RANBP17: variants seen among roughly 807,000 people sequenced by gnomAD.
RANBP17 encodes the protein ran-binding protein 17.
A neutral mutation model predicts 141.2 loss-of-function variants in RANBP17; 158 were observed. The observed-to-expected ratio is 1.12, with a 90% CI of 0.98 to 1.28. The LOEUF (loss-of-function observed/expected upper bound fraction) is 1.28. Among genes scored for constraint, RANBP17 ranks in the 50% most tolerant of loss-of-function variants. The pLI is 0.00. For synonymous variants in RANBP17, 430 were observed against 450.0 expected (o/e 0.96, Z 0.56); for missense variants, 1,438 against 1,290.7 (o/e 1.11, Z -1.75).
chr5:171,059,118 G>T (rs1220495360), intron 14 of RANBP17, among the ~76,000 whole-genome samples: 1 of 151,740 alleles, frequency 6.6e-6, no homozygotes, highest in Non-Finnish European at 1.5e-5. Flanking sequence ...TAGGTTGCCT[G>T]TTCACTCTGA....
chr5:170,945,848 A>G (rs1201212309), intron 12 of RANBP17, among the ~76,000 whole-genome samples: 2 of 152,142 alleles, frequency 1.3e-5, no homozygotes, highest in African/African-American at 4.8e-5. Flanking sequence ...CTCCTTGGTA[A>G]TGATCCCCAA....
chr5:171,003,902 T>C (rs1026145758), intron 14 of RANBP17, among the ~76,000 whole-genome samples: 2 of 152,020 alleles, frequency 1.3e-5, no homozygotes, highest in African/African-American at 4.8e-5. Flanking sequence ...TAGTGAGTTG[T>C]GGAGGAAGAT....
At chr5:171,101,430 T>C (rs1787156961) in intron 14 of RANBP17, among the ~76,000 whole-genome samples, 1 of 152,224 alleles carries the variant, frequency 6.6e-6, no homozygotes, top group Admixed American at 6.5e-5. Flanking sequence ...CCCTGCTCTT[T>C]TTTTGCTTTC....
chr5:171,070,053 G>T (rs537026717), intron 14 of RANBP17, among the ~76,000 whole-genome samples: 2 of 152,150 alleles, frequency 1.3e-5, no homozygotes, highest in Non-Finnish European at 2.9e-5. Context: ...CTAAAACATG[G>T]CCTTAAAGGC....
intron 18 of RANBP17, among the ~76,000 whole-genome samples, chr5:171,187,237 A>G (rs1165123313): frequency 6.6e-6 from 1 of 152,212 alleles, no homozygotes; most frequent in Admixed American, 6.5e-5. Flanking sequence ...CTGTAAGGGC[A>G]CAATTTGTGG....
In RANBP17 at chr5:170,867,302, A is replaced by G. The variant is rs74876601; in HGVS notation, c.18+5251A>G. 6.9e-4 allele frequency among the ~76,000 whole-genome samples: 105 copies of G among 152,302 alleles called. No individual in the cohort carries two copies. In the East Asian group the frequency reaches 0.02, roughly 29 times the overall value. On this transcript the variant is annotated intron_variant, in intron 1 of 27. Coordinates refer to ENST00000523189, the MANE Select transcript of RANBP17 (RefSeq NM_022897.5). ...ATCATTAATCTTGAGGAATTTATGT[A>G]TATTTGATCTCAGCTTTAGTTTTTT... is the stretch of plus-strand genomic sequence containing the variant.
chr5:171,201,240 A>G (rs1161888335), intron 19 of RANBP17, among the ~76,000 whole-genome samples: 1 of 152,202 alleles, frequency 6.6e-6, no homozygotes, highest in Non-Finnish European at 1.5e-5. Flanking sequence ...TGACTGCTTG[A>G]TTACACTTTA....
chr5:170,974,288 C>T (rs1777207947), intron 14 of RANBP17, among the ~76,000 whole-genome samples: 2 of 152,284 alleles, frequency 1.3e-5, no homozygotes, highest in South Asian at 4.1e-4. Context: ...ACAGGGTAGT[C>T]CTTGCCATTC....
In RANBP17 at chr5:170,918,835, T is replaced by C. The variant is rs1401276509; in HGVS notation, c.1077T>C (p.Ala359=). ...KEYPEVIRLI[A]NFTITSLQHW... ...ATCCTGAAGTTATTAGATTGATTGC[T>C]AATTTTACCATTACTAGCCTACAGG... The change falls in exon 10 of 28, where the codon GCT becomes GCC. Residue 359 remains alanine, a synonymous_variant. Coordinates refer to ENST00000523189, the MANE Select transcript of RANBP17 (RefSeq NM_022897.5). 6 of 1,583,394 alleles carry C rather than the reference T, an allele frequency of 3.8e-6. No homozygotes were observed. In the African/African-American group the frequency reaches 6.8e-5, roughly 18 times the overall value.
At chr5:171,282,614 G>A (rs576032028) in intron 25 of RANBP17, among the ~76,000 whole-genome samples, 1 of 152,204 alleles carries the variant, frequency 6.6e-6, no homozygotes, top group East Asian at 1.9e-4. Context: ...AAGTAGCTGG[G>A]ATTACAGGTG....
At chr5:171,188,534 G>A (rs530312950) in intron 18 of RANBP17, among the ~76,000 whole-genome samples, 3 of 152,306 alleles carry the variant, frequency 2.0e-5, no homozygotes, top group East Asian at 3.9e-4. Flanking sequence ...TGAAACATTT[G>A]TCTGGACTTA....
chr5:171,022,832 G>A lies in RANBP17; in HGVS notation c.1710+54455G>A, dbSNP rs548480392. Among the ~76,000 whole-genome samples, 11 of 152,338 alleles carry A rather than the reference G, an allele frequency of 7.2e-5. No individual in the cohort carries two copies. The East Asian group carries it at 1.4e-3, about 19-fold the overall frequency. Reference sequence around the variant, plus strand: ...GGTTGCCCCTCCCCCTGGGAGCTTGGTAGGCTTAAGCAGATTCCAGCTGAG... The same window carrying A: ...GGTTGCCCCTCCCCCTGGGAGCTTGATAGGCTTAAGCAGATTCCAGCTGAG... On this transcript the variant is annotated intron_variant, in intron 14 of 27. Transcript: ENST00000523189.
chr5:170,922,596 C>T (rs192191028), intron 11 of RANBP17, among the ~76,000 whole-genome samples: 4 of 152,306 alleles, frequency 2.6e-5, no homozygotes, highest in Non-Finnish European at 2.9e-5. Context: ...CAGTGAGTTA[C>T]GGCTCCGTGG....
intron 14 of RANBP17, among the ~76,000 whole-genome samples, chr5:171,013,762 A>T (rs1780233672): frequency 6.6e-6 from 1 of 152,242 alleles, no homozygotes; most frequent in Non-Finnish European, 1.5e-5. Flanking sequence ...CTCTCCATGC[A>T]AATTTTAGAA....
chr5:170,966,664 A>G (rs1166987451), intron 13 of RANBP17, among the ~76,000 whole-genome samples: 3 of 152,104 alleles, frequency 2.0e-5, no homozygotes, highest in Non-Finnish European at 2.9e-5. Context: ...CACCACTCCT[A>G]TTCAACATAG....
intron 14 of RANBP17, among the ~76,000 whole-genome samples, chr5:171,040,396 T>C (rs1782179495): frequency 6.6e-6 from 1 of 152,222 alleles, no homozygotes; most frequent in Non-Finnish European, 1.5e-5. Context: ...AAAATGTCTT[T>C]GTTTTTACTG....
intron 14 of RANBP17, among the ~76,000 whole-genome samples, chr5:171,060,689 G>T (rs925733117): frequency 7.2e-5 from 11 of 152,014 alleles, no homozygotes; most frequent in Non-Finnish European, 1.3e-4. Flanking sequence ...AAATGAGTTA[G>T]GGAGGATTCC....
intron 14 of RANBP17, among the ~76,000 whole-genome samples, chr5:171,168,153 A>T (rs1759832266): frequency 6.6e-6 from 1 of 152,334 alleles, no homozygotes; most frequent in South Asian, 2.1e-4. Context: ...GGAGATTCAC[A>T]TCCAAACAGT....
chr5:171,079,325 A>G (rs923742058), intron 14 of RANBP17, among the ~76,000 whole-genome samples: 4 of 152,196 alleles, frequency 2.6e-5, no homozygotes, highest in Non-Finnish European at 5.9e-5. Context: ...CTTGAGATGG[A>G]ATCTACTTGT....
Sources: allele counts gnomAD v4.1 joint callset (sites outside exome capture counted in the v4.1 genomes callset), GRCh38; gene constraint gnomAD v4.1.1; transcripts MANE v1.5; gene names NCBI Gene and HGNC (gene_info 2026-07-23, HGNC 2026-07-21).